NKAIN2: variants seen among roughly 807,000 people sequenced by gnomAD.
The protein encoded by NKAIN2 is sodium/potassium transporting ATPase interacting 2, also known as sodium/potassium-transporting ATPase subunit beta-1-interacting protein 2.
NKAIN2 carries 14 observed loss-of-function variants against 32.6 expected under a neutral mutation model. That is an observed-to-expected ratio of 0.43 (90% CI 0.28 to 0.67). NKAIN2 has a LOEUF of 0.67. Among genes scored for constraint, NKAIN2 ranks in the 30% least tolerant of loss-of-function variants. NKAIN2 has a pLI of 0.17. For missense variants in NKAIN2, 198 were observed against 258.3 expected (o/e 0.77, Z 1.60); for synonymous variants, 80 against 87.2 (o/e 0.92, Z 0.46).
chr6:124,186,332 A>C (rs1260479291), intron 1 of NKAIN2, among the ~76,000 whole-genome samples: 1 of 152,096 alleles, frequency 6.6e-6, no homozygotes, highest in Non-Finnish European at 1.5e-5. Flanking sequence ...AGTCCTAGCT[A>C]CCAGGGAGGC....
intron 1 of NKAIN2, among the ~76,000 whole-genome samples, chr6:124,281,619 A>G (rs1795302834): frequency 6.6e-6 from 1 of 152,124 alleles, no homozygotes; most frequent in Non-Finnish European, 1.5e-5. Context: ...ATGCAATGAG[A>G]ATTACGATTT....
At chr6:123,960,944 T>G (rs1777815639) in intron 1 of NKAIN2, among the ~76,000 whole-genome samples, 1 of 151,990 alleles carries the variant, frequency 6.6e-6, no homozygotes, top group Admixed American at 6.6e-5. Flanking sequence ...GAAATATGTC[T>G]TCCATTCTGA....
chr6:123,900,264 G>T (rs1269425911), intron 1 of NKAIN2, among the ~76,000 whole-genome samples: 1 of 152,038 alleles, frequency 6.6e-6, no homozygotes, highest in African/African-American at 2.4e-5. Context: ...GAGGTCAGGA[G>T]ATCGAGACCA....
At chr6:124,112,143 T>A (rs1785414545) in intron 1 of NKAIN2, among the ~76,000 whole-genome samples, 2 of 152,176 alleles carry the variant, frequency 1.3e-5, no homozygotes. Flanking sequence ...ATATTTACTT[T>A]TCTCAACCAG....
intron 1 of NKAIN2, among the ~76,000 whole-genome samples, chr6:124,124,571 CTG>C (rs1786065614): frequency 6.6e-6 from 1 of 152,126 alleles, no homozygotes; most frequent in African/African-American, 2.4e-5. Flanking sequence ...CAAGACAAAA[CTG>C]TGAATTTTGA....
chr6:124,706,714 A>T (rs1775088476), intron 4 of NKAIN2, among the ~76,000 whole-genome samples: 2 of 152,168 alleles, frequency 1.3e-5, no homozygotes, highest in South Asian at 4.1e-4. Flanking sequence ...CCACAACAAC[A>T]TGGCACCTAA....
rs1021714418 is a variant in NKAIN2, at chr6:124,749,092, T to G, written c.475-42247T>G. ...AGGTCATTGAAAGAATTCAGTTCTT[T>G]GAGGTTGTGTCACTGAGTCCTCATT... is the stretch of plus-strand genomic sequence containing the variant. On this transcript the variant is annotated intron_variant, in intron 4 of 6. Coordinates refer to ENST00000368417, the MANE Select transcript of NKAIN2 (RefSeq NM_001040214.3). Among the ~76,000 whole-genome samples the G allele has an allele frequency of 1.1e-4, 17 of 152,012 alleles. No individual in the cohort carries two copies. The East Asian group carries it at 2.9e-3, about 26-fold the overall frequency.
intron 1 of NKAIN2, among the ~76,000 whole-genome samples, chr6:123,825,407 T>G (rs1412158466): frequency 1.3e-5 from 2 of 152,152 alleles, no homozygotes; most frequent in Non-Finnish European, 2.9e-5. Context: ...AATTGATAAG[T>G]TTTATTGAAA....
chr6:124,701,925 A>G (rs1774811772), intron 4 of NKAIN2, among the ~76,000 whole-genome samples: 1 of 152,090 alleles, frequency 6.6e-6, no homozygotes, highest in South Asian at 2.1e-4. Context: ...CTGTCCCTCC[A>G]TCCCAGGTTG....
At chr6:124,478,847 A>G (rs1046745783) in intron 3 of NKAIN2, among the ~76,000 whole-genome samples, 2 of 152,176 alleles carry the variant, frequency 1.3e-5, no homozygotes, top group Non-Finnish European at 2.9e-5. Flanking sequence ...ATAGTACAGT[A>G]TGGAAGTGAG....
intron 3 of NKAIN2, among the ~76,000 whole-genome samples, chr6:124,571,403 C>T (rs185468833): frequency 6.6e-6 from 1 of 152,114 alleles, no homozygotes; most frequent in Admixed American, 6.6e-5. Context: ...AATTTATCTC[C>T]CAGAATTCCC....
intron 3 of NKAIN2, among the ~76,000 whole-genome samples, chr6:124,525,031 G>A (rs1159375779): frequency 6.6e-6 from 1 of 152,134 alleles, no homozygotes; most frequent in South Asian, 2.1e-4. Context: ...GCAGTAAAGC[G>A]ATACAATTGG....
At chr6:124,142,301 C>T (rs1582726976) in intron 1 of NKAIN2, among the ~76,000 whole-genome samples, 2 of 152,194 alleles carry the variant, frequency 1.3e-5, no homozygotes, top group South Asian at 2.1e-4. Flanking sequence ...GAATTCCTTT[C>T]GACTCCACAT....
At chr6:123,830,732 C>G (rs371741927) in intron 1 of NKAIN2, among the ~76,000 whole-genome samples, 32 of 152,266 alleles carry the variant, frequency 2.1e-4, no homozygotes, top group Middle Eastern at 3.4e-3. Context: ...ATAACTGTGT[C>G]TGCCACTGGA....
intron 1 of NKAIN2, among the ~76,000 whole-genome samples, chr6:124,011,336 G>A (rs894313388): frequency 1.2e-4 from 18 of 150,126 alleles, no homozygotes; most frequent in Non-Finnish European, 2.2e-4. Flanking sequence ...CCTGAGTATC[G>A]TCATCCATTC....
intron 3 of NKAIN2, among the ~76,000 whole-genome samples, chr6:124,534,892 G>T (rs1244691649): frequency 1.3e-5 from 2 of 152,010 alleles, no homozygotes; most frequent in African/African-American, 4.8e-5. Flanking sequence ...ATTGGTTCCA[G>T]GACCCTCATA....
At chr6:124,513,106 G>T (rs987099281) in intron 3 of NKAIN2, among the ~76,000 whole-genome samples, 1 of 151,990 alleles carries the variant, frequency 6.6e-6, no homozygotes, top group African/African-American at 2.4e-5. Flanking sequence ...TCTTTACTGT[G>T]GTACTGAGGC....
chr6:124,068,471 G>A (rs1326737426), intron 1 of NKAIN2, among the ~76,000 whole-genome samples: 4 of 151,944 alleles, frequency 2.6e-5, no homozygotes, highest in Non-Finnish European at 4.4e-5. Context: ...GCTCACTGCA[G>A]CCTCCAATTT....
chr6:124,088,274 T>C (rs888304172), intron 1 of NKAIN2, among the ~76,000 whole-genome samples: 1 of 151,800 alleles, frequency 6.6e-6, no homozygotes, highest in Non-Finnish European at 1.5e-5. Context: ...ATAATAAAAT[T>C]AGCCAGATGT....
Sources: gnomAD v4.1 joint callset for allele counts (sites outside exome capture counted in the v4.1 genomes callset) on GRCh38, gnomAD v4.1.1 for gene constraint, MANE v1.5 for transcripts, NCBI Gene and HGNC (gene_info 2026-07-23, HGNC 2026-07-21) for gene names.